The following SUZ12 variants were observed in gnomAD, a reference collection of about 807,000 sequenced individuals.
SUZ12 encodes the protein SUZ12 polycomb repressive complex 2 subunit.
Under a neutral mutation model 87.3 loss-of-function variants are expected in SUZ12, and 17 were observed. The ratio of observed to expected loss-of-function variants is 0.19; its 90% CI spans 0.13 to 0.29. The LOEUF (loss-of-function observed/expected upper bound fraction) is 0.29, where lower values mean the gene tolerates loss of function less well. Ranked by LOEUF, SUZ12 falls within the 10% of genes least tolerant of loss-of-function variation. The pLI is 1.00. For missense variants in SUZ12, 526 were observed against 912.2 expected (o/e 0.58, Z 5.45); for synonymous variants, 253 against 312.4 (o/e 0.81, Z 2.01).
At chr17:31,997,281 C>T (rs1355787784) in intron 15 of SUZ12, among the ~76,000 whole-genome samples, 1 of 152,116 alleles carries the variant, frequency 6.6e-6, no homozygotes, top group African/African-American at 2.4e-5. Context: ...AGAACCTCCT[C>T]AGAAATCACT....
At chr17:31,987,411 G>T (rs775735956) in intron 9 of SUZ12, among the ~76,000 whole-genome samples, 67 of 152,304 alleles carry the variant, frequency 4.4e-4, no homozygotes, top group Admixed American at 3.5e-3. Context: ...AATTCTTGAG[G>T]ATGGTTGAGT....
intron 3 of SUZ12, among the ~76,000 whole-genome samples, chr17:31,942,327 T>C (rs529420465): frequency 6.6e-6 from 1 of 152,010 alleles, no homozygotes; most frequent in African/African-American, 2.4e-5. Context: ...TTTGGTTTTT[T>C]TTTTGTTTTG....
intron 9 of SUZ12, 53 bp downstream of exon 9, chr17:31,983,157 G>A (rs1396668850): frequency 6.5e-7 from 1 of 1,545,972 alleles, no homozygotes; most frequent in Non-Finnish European, 8.8e-7. Context: ...TCCCATTTTT[G>A]ACTGATGTTT....
At chr17:31,955,597 A>T (rs1598155844) in intron 4 of SUZ12, among the ~76,000 whole-genome samples, 1 of 151,984 alleles carries the variant, frequency 6.6e-6, no homozygotes, top group East Asian at 1.9e-4. Context: ...AAAATATAAA[A>T]ATTAGCTGGG....
Position 31,999,263 on chromosome 17 carries a change from T to A in SUZ12, c.*260T>A, listed in dbSNP as rs892507988. 3.9e-5 allele frequency: 11 copies of A among 285,246 alleles called. No homozygotes were observed. Among genetic ancestry groups the A allele is most frequent in the Admixed American group, 5.0e-5 (1 of 19,966 alleles). The allele number at this position is 285,246 out of a possible 1,614,324, so 17.7% of individuals were successfully genotyped here. A position where few individuals can be genotyped will look rare whatever the true frequency, so the allele number is the denominator to read the frequency against. ...GCAATATTTCAAAGTATTTTTAAAC[T>A]CAACAAATGTCATCAAATATGTTGA... On this transcript the variant is annotated 3_prime_UTR_variant, in exon 16 of 16. Coordinates refer to ENST00000322652, the MANE Select transcript of SUZ12 (RefSeq NM_015355.4).
rs529182390 is a variant in SUZ12, at chr17:31,960,874, G to A, written c.456-5273G>A. ...GTTATAGGTGTGAGTCACCGTGCCT[G>A]GCCCCAATGTTGTCTTTTAAAATTG... On this transcript the variant is annotated intron_variant, in intron 4 of 15. Transcript: ENST00000322652. Among the ~76,000 whole-genome samples, 16 of 152,264 alleles carry A rather than the reference G, an allele frequency of 1.1e-4. No individual in the cohort carries two copies. The South Asian group carries it at 2.9e-3, about 28-fold the overall frequency.
chr17:31,965,758 A>G (rs1598165089), intron 4 of SUZ12: 1 of 157,200 alleles, frequency 6.4e-6, no homozygotes, highest in South Asian at 2.1e-4. Context: ...AAAGAATTCC[A>G]AAAACCCTCC....
At chr17:31,977,757 C>T (rs543564019) in intron 8 of SUZ12, among the ~76,000 whole-genome samples, 5 of 152,174 alleles carry the variant, frequency 3.3e-5, no homozygotes, top group South Asian at 2.1e-4. Context: ...GGCACGGTGG[C>T]GTGTGCCTGT....
intron 4 of SUZ12, among the ~76,000 whole-genome samples, chr17:31,961,362 C>T (rs1027192611): frequency 1.3e-5 from 2 of 152,100 alleles, no homozygotes; most frequent in African/African-American, 4.8e-5. Flanking sequence ...GCCTGGCCAA[C>T]GTGGTGAAAC....
At chr17:31,969,925 T>C (rs1023051545) in intron 5 of SUZ12, among the ~76,000 whole-genome samples, 1 of 152,112 alleles carries the variant, frequency 6.6e-6, no homozygotes, top group African/African-American at 2.4e-5. Flanking sequence ...TCTTATTTTC[T>C]TACTATTAAT....
At chr17:31,965,541 C>T (rs1441632059) in intron 4 of SUZ12, among the ~76,000 whole-genome samples, 1 of 152,120 alleles carries the variant, frequency 6.6e-6, no homozygotes, top group Non-Finnish European at 1.5e-5. Flanking sequence ...TATATTGAAA[C>T]AGTAAATTAT....
intron 5 of SUZ12, among the ~76,000 whole-genome samples, chr17:31,971,433 T>C (rs1485795206): frequency 7.1e-6 from 1 of 141,152 alleles, no homozygotes; most frequent in Non-Finnish European, 1.5e-5. Context: ...TTTTTTTTTT[T>C]TTTTTTTTTT....
rs572926264 is a variant in SUZ12, at chr17:31,973,760, T to C, written c.591+529T>C. Among the ~76,000 whole-genome samples the C allele has an allele frequency of 2.6e-5, 4 of 152,254 alleles. No individual in the cohort carries two copies. In the East Asian group the frequency reaches 5.8e-4, roughly 22 times the overall value. ...TGGTCAACCGATCAAAGCCAACATATGTACCTTTAGTTGCCTCAAGTCCTC... is the reference window on the plus strand; with the variant it reads ...TGGTCAACCGATCAAAGCCAACATACGTACCTTTAGTTGCCTCAAGTCCTC... On this transcript the variant is annotated intron_variant, in intron 6 of 15. Transcript: ENST00000322652.
At chr17:31,941,809 A>T (rs1439164121) in intron 3 of SUZ12, among the ~76,000 whole-genome samples, 1 of 151,562 alleles carries the variant, frequency 6.6e-6, no homozygotes, top group Admixed American at 6.6e-5. Context: ...TCGGCCTCCC[A>T]AAGTGCTGGC....
At chr17:31,995,450 GT>G in intron 13 of SUZ12, 113 bp from the exon 14 acceptor site, 1 of 771,240 alleles carries the variant, frequency 1.3e-6, no homozygotes, top group South Asian at 1.8e-5. Context: ...TTGTTTTATG[GT>G]TAGTTTTATA....
At chr17:31,944,355 C>T (rs1253166659) in intron 3 of SUZ12, among the ~76,000 whole-genome samples, 11 of 151,910 alleles carry the variant, frequency 7.2e-5, no homozygotes, top group South Asian at 2.1e-4. Flanking sequence ...CTCGAACTCC[C>T]GACCTCAGGT....
rs533330963 is a variant in SUZ12 at position 31,990,894 on chromosome 17, C to T, written c.1202-2348C>T. Among the ~76,000 whole-genome samples, 10 of 152,082 alleles carry T rather than the reference C, an allele frequency of 6.6e-5. No homozygotes were observed. The South Asian group carries it at 2.1e-3, about 32-fold the overall frequency. ...CTCCATATAGATGGGACTACAGGCT[C>T]GTGCCACCACGCCCTGTTAATTTTT... On this transcript the variant is annotated intron_variant, in intron 10 of 15. Transcript: ENST00000322652.
At chr17:31,974,086 G>A (rs1250703462) in intron 6 of SUZ12, among the ~76,000 whole-genome samples, 1 of 152,132 alleles carries the variant, frequency 6.6e-6, no homozygotes, top group African/African-American at 2.4e-5. Context: ...AGCTAGGCAT[G>A]ATGGCCTGTG....
At chr17:31,953,062 C>T (rs1201905988) in intron 4 of SUZ12, among the ~76,000 whole-genome samples, 1 of 152,148 alleles carries the variant, frequency 6.6e-6, no homozygotes, top group Non-Finnish European at 1.5e-5. Flanking sequence ...AAAATCCCCT[C>T]AAAGGATACC....
Sources: allele counts gnomAD v4.1 joint callset (sites outside exome capture counted in the v4.1 genomes callset), GRCh38; gene constraint gnomAD v4.1.1; transcripts MANE v1.5; gene names NCBI Gene and HGNC (gene_info 2026-07-23, HGNC 2026-07-21).